MEGF10: variants seen among roughly 807,000 people sequenced by gnomAD.
MEGF10 encodes the protein multiple EGF like domains 10.
A neutral mutation model predicts 147.5 loss-of-function variants in MEGF10; 86 were observed. That is an observed-to-expected ratio of 0.58 (90% CI 0.49 to 0.70). The LOEUF is 0.70. MEGF10 is among the 30% of genes least tolerant of loss of function. The pLI is 0.00. For missense variants in MEGF10, 1,329 were observed against 1,487.3 expected (o/e 0.89, Z 1.75); for synonymous variants, 478 against 525.5 (o/e 0.91, Z 1.24).
chr5:127,257,226 T>C, the MEGF10 span, among the ~76,000 whole-genome samples: 1 of 151,840 alleles, frequency 6.6e-6, no homozygotes, highest in African/African-American at 2.4e-5. Flanking sequence ...GGGAATTGAC[T>C]CTTCTCCAGT....
chr5:127,263,238 G>T, the MEGF10 span, among the ~76,000 whole-genome samples: 3 of 150,354 alleles, frequency 2.0e-5, no homozygotes, highest in East Asian at 4.0e-4. Flanking sequence ...AGATTGGGAA[G>T]ATGGGTTCAT....
chr5:127,247,424 A>AGAGGAAGAGGAAGAGGAAGAG, the MEGF10 span, among the ~76,000 whole-genome samples: 1 of 94,450 alleles, frequency 1.1e-5, no homozygotes, highest in African/African-American at 5.4e-5. Context: ...AAGAAGAAGA[A>AGAGGAAGAGGAAGAGGAAGAG]GAAGAAGAAG....
At chr5:127,413,009 G>A (rs1041195989) in intron 9 of MEGF10, among the ~76,000 whole-genome samples, 2 of 152,140 alleles carry the variant, frequency 1.3e-5, no homozygotes, top group African/African-American at 4.8e-5. Flanking sequence ...CACTTTTTAA[G>A]CCTTTGGTTA....
the MEGF10 span, chr5:127,229,503 T>C: frequency 6.6e-6 from 1 of 151,736 alleles, no homozygotes; most frequent in African/African-American, 2.4e-5. Context: ...GAGGCCTGCC[T>C]GCGGGAGACC....
chr5:127,283,157 C>G, the MEGF10 span, among the ~76,000 whole-genome samples: 1 of 152,160 alleles, frequency 6.6e-6, no homozygotes, highest in Non-Finnish European at 1.5e-5. Flanking sequence ...ATATTGCAGA[C>G]AAAAGAAGAT....
At chr5:127,270,849 C>T in the MEGF10 span, among the ~76,000 whole-genome samples, 7 of 152,164 alleles carry the variant, frequency 4.6e-5, no homozygotes. Flanking sequence ...CATTAGTTTG[C>T]TAAGGATAAT....
At chr5:127,450,441 A>T (rs554431751) in intron 22 of MEGF10, among the ~76,000 whole-genome samples, 2 of 152,306 alleles carry the variant, frequency 1.3e-5, no homozygotes, top group Admixed American at 1.3e-4. Context: ...AACTTCTGTG[A>T]TATACCATTA....
At chr5:127,435,895 C>T (rs990995685) in intron 16 of MEGF10, among the ~76,000 whole-genome samples, 5 of 152,104 alleles carry the variant, frequency 3.3e-5, no homozygotes, top group Admixed American at 2.0e-4. Flanking sequence ...GGAACCTGAG[C>T]GAACTGCCCA....
intron 1 of MEGF10, among the ~76,000 whole-genome samples, chr5:127,320,241 C>G (rs997558156): frequency 2.2e-4 from 34 of 152,102 alleles, no homozygotes; most frequent in African/African-American, 8.2e-4. Flanking sequence ...AGAATTTACC[C>G]CTGTCATTGT....
intron 12 of MEGF10, among the ~76,000 whole-genome samples, chr5:127,422,322 AC>A (rs1765042445): frequency 6.6e-6 from 1 of 152,018 alleles, no homozygotes; most frequent in African/African-American, 2.4e-5. Context: ...GGAGTTCGAG[AC>A]CAGCCTGACC....
At chr5:127,287,709 C>T (rs1759072137), upstream of MEGF10, among the ~76,000 whole-genome samples, 1 of 151,736 alleles carries the variant, frequency 6.6e-6, no homozygotes, top group Non-Finnish European at 1.5e-5. Flanking sequence ...ATTTTTAAAA[C>T]ATTGACAAGC....
intron 24 of MEGF10, 92 bp from the exon 25 acceptor site, chr5:127,457,036 C>A (rs1766385074): frequency 7.9e-7 from 1 of 1,259,342 alleles, no homozygotes; most frequent in Non-Finnish European, 1.1e-6. Flanking sequence ...TTTAAAAGTC[C>A]CTTTGGTGTG....
At chr5:127,251,168 G>T in the MEGF10 span, among the ~76,000 whole-genome samples, 1 of 152,040 alleles carries the variant, frequency 6.6e-6, no homozygotes, top group African/African-American at 2.4e-5. Context: ...AAAAATGAGG[G>T]AAACTTGTCT....
the MEGF10 span, among the ~76,000 whole-genome samples, chr5:127,285,226 T>A: frequency 2.6e-5 from 4 of 152,122 alleles, no homozygotes; most frequent in Non-Finnish European, 5.9e-5. Flanking sequence ...AATATCATGA[T>A]TTCAACCTGC....
intron 5 of MEGF10, among the ~76,000 whole-genome samples, chr5:127,376,928 G>A (rs1025384871): frequency 6.6e-6 from 1 of 152,144 alleles, no homozygotes; most frequent in Non-Finnish European, 1.5e-5. Context: ...TGGAAAACAG[G>A]TTTACTGAAA....
intron 5 of MEGF10, among the ~76,000 whole-genome samples, chr5:127,379,064 C>CT (rs35798578): frequency 0.046 from 5,583 of 121,432 alleles, 350 homozygotes; most frequent in African/African-American, 0.15. Flanking sequence ...ATTGATTTTT[C>CT]TTTTTTTTTT....
chr5:127,372,457 T>A (rs1415902961), intron 5 of MEGF10, among the ~76,000 whole-genome samples: 2 of 152,228 alleles, frequency 1.3e-5, no homozygotes, highest in Admixed American at 6.5e-5. Context: ...TATATTACTA[T>A]TCAATCAACT....
chr5:127,347,982 ATTAACTAAC>A (rs1385543605), intron 4 of MEGF10, among the ~76,000 whole-genome samples: 1 of 152,144 alleles, frequency 6.6e-6, no homozygotes, highest in Admixed American at 6.6e-5. Context: ...CATGTACAGT[ATTAACTAAC>A]TGAAAGTGAT....
At chr5:127,444,280 TACA>T (rs1765859425) in intron 19 of MEGF10, 1 of 152,242 alleles carries the variant, frequency 6.6e-6, no homozygotes, top group South Asian at 2.1e-4. Context: ...TGTAAATATT[TACA>T]ACATTTAATT....
Sources: allele counts gnomAD v4.1 joint callset (sites outside exome capture counted in the v4.1 genomes callset), GRCh38; gene constraint gnomAD v4.1.1; transcripts MANE v1.5; gene names NCBI Gene and HGNC (gene_info 2026-07-23, HGNC 2026-07-21).